The following KHDRBS2 variants were observed in gnomAD, a reference collection of about 807,000 sequenced individuals.
The protein encoded by KHDRBS2 is KH RNA binding domain containing, signal transduction associated 2.
A neutral mutation model predicts 44.3 loss-of-function variants in KHDRBS2; 26 were observed. The ratio of observed to expected loss-of-function variants is 0.59; its 90% confidence interval spans 0.43 to 0.81. The LOEUF (loss-of-function observed/expected upper bound fraction) is 0.81, where lower values mean the gene tolerates loss of function less well. KHDRBS2 is among the 40% of genes least tolerant of loss of function. The pLI is 0.00. For synonymous variants in KHDRBS2, 194 were observed against 151.1 expected (o/e 1.28, Z -2.08); for missense variants, 476 against 433.1 (o/e 1.10, Z -0.88).
At chr6:61,750,330 C>A in intron 6 of KHDRBS2, among the ~76,000 whole-genome samples, 1 of 152,218 alleles carries the variant, frequency 6.6e-6, no homozygotes, top group East Asian at 1.9e-4. Flanking sequence ...TAATTGTGAT[C>A]GTGCTTATAC....
At chr6:61,884,556 A>G (rs1315596602) in intron 6 of KHDRBS2, among the ~76,000 whole-genome samples, 3 of 152,104 alleles carry the variant, frequency 2.0e-5, no homozygotes, top group Non-Finnish European at 4.4e-5. Context: ...CTACACCAAC[A>G]TATGAGTTAC....
At chr6:61,667,669 A>AAT in the KHDRBS2 span, among the ~76,000 whole-genome samples, 2 of 141,594 alleles carry the variant, frequency 1.4e-5, no homozygotes, top group Admixed American at 1.4e-4. Flanking sequence ...CTTATGTGAC[A>AAT]GCTAGCAATA....
rs1390207594 is a variant in KHDRBS2 at position 61,886,557 on chromosome 6, TTA to T, written c.810+8076_810+8077del. On this transcript the variant is annotated intron_variant, in intron 6 of 8. Coordinates refer to ENST00000281156, the MANE Select transcript of KHDRBS2 (RefSeq NM_152688.4). ...TATTATATGCTGTGTTCTACTGTCA[TTA>T]TATATATGTTTATATATGTGTTCGT... is the stretch of plus-strand genomic sequence containing the variant. 5.3e-5 allele frequency among the ~76,000 whole-genome samples: 8 copies of T among 152,130 alleles called. No homozygotes were observed. The East Asian group carries it at 1.3e-3, about 26-fold the overall frequency.
At chr6:62,024,393 C>T (rs1782919966) in intron 3 of KHDRBS2, among the ~76,000 whole-genome samples, 1 of 151,468 alleles carries the variant, frequency 6.6e-6, no homozygotes, top group Non-Finnish European at 1.5e-5. Context: ...ATTCTATTGT[C>T]AGGCATGTGC....
chr6:62,217,314 A>G (rs1442150709), intron 1 of KHDRBS2, among the ~76,000 whole-genome samples: 1 of 151,810 alleles, frequency 6.6e-6, no homozygotes, highest in African/African-American at 2.4e-5. Flanking sequence ...GAAGCCTTTC[A>G]CAACTGGGTT....
intron 6 of KHDRBS2, among the ~76,000 whole-genome samples, chr6:61,834,928 TTA>T (rs141479148): frequency 0.015 from 2,262 of 152,190 alleles, 59 homozygotes; most frequent in African/African-American, 0.052. Context: ...GATAGAAATG[TTA>T]TGTTACTTAA....
intron 6 of KHDRBS2, among the ~76,000 whole-genome samples, chr6:61,854,146 C>CA (rs200145134): frequency 0.092 from 10,186 of 110,128 alleles, 404 homozygotes; most frequent in Middle Eastern, 0.16. Context: ...TTTGAAAAAT[C>CA]GTGTAGAATT....
At chr6:62,107,960 C>T (rs979223847) in intron 2 of KHDRBS2, among the ~76,000 whole-genome samples, 15 of 152,126 alleles carry the variant, frequency 9.9e-5, no homozygotes, top group African/African-American at 3.6e-4. Flanking sequence ...GGATTAAAGA[C>T]TTAAACGTTA....
chr6:62,104,869 A>T (rs1584726680), intron 2 of KHDRBS2, among the ~76,000 whole-genome samples: 1 of 152,262 alleles, frequency 6.6e-6, no homozygotes, highest in East Asian at 1.9e-4. Context: ...CTTAGAGAAG[A>T]TCAATAAAAT....
At chr6:62,164,001 T>C (rs779824069) in intron 2 of KHDRBS2, among the ~76,000 whole-genome samples, 1 of 151,992 alleles carries the variant, frequency 6.6e-6, no homozygotes, top group Non-Finnish European at 1.5e-5. Flanking sequence ...AAGCACCATA[T>C]CTACTCATAA....
intron 3 of KHDRBS2, among the ~76,000 whole-genome samples, chr6:62,015,448 C>T (rs1781043280): frequency 6.6e-6 from 1 of 151,974 alleles, no homozygotes; most frequent in Admixed American, 6.6e-5. Flanking sequence ...ATTTTCACAC[C>T]CTGCCACTCT....
chr6:62,186,460 A>C (rs1367631700), intron 1 of KHDRBS2, among the ~76,000 whole-genome samples: 2 of 152,088 alleles, frequency 1.3e-5, no homozygotes, highest in Non-Finnish European at 1.5e-5. Context: ...TGTATTTCAC[A>C]AGCTTACATC....
chr6:61,665,199 A>T, the KHDRBS2 span, among the ~76,000 whole-genome samples: 1 of 151,602 alleles, frequency 6.6e-6, no homozygotes, highest in Non-Finnish European at 1.5e-5. Context: ...TTCATATGTC[A>T]GAAATTAAAA....
intron 1 of KHDRBS2, among the ~76,000 whole-genome samples, chr6:62,205,793 T>C (rs563195390): frequency 1.7e-4 from 26 of 152,272 alleles, no homozygotes; most frequent in African/African-American, 6.0e-4. Context: ...AGATTGTGTG[T>C]AGGATCATAT....
chr6:61,958,179 C>G (rs1278695618), intron 4 of KHDRBS2, among the ~76,000 whole-genome samples: 4 of 152,128 alleles, frequency 2.6e-5, no homozygotes, highest in Admixed American at 2.6e-4. Context: ...TAACAGAAGA[C>G]ACACAGAACA....
intron 1 of KHDRBS2, among the ~76,000 whole-genome samples, chr6:62,225,653 G>A (rs1831651124): frequency 6.6e-6 from 1 of 152,058 alleles, no homozygotes; most frequent in South Asian, 2.1e-4. Flanking sequence ...AGCCCTGCAT[G>A]CATTAGCTAT....
At chr6:62,157,442 T>C (rs762426824) in intron 2 of KHDRBS2, among the ~76,000 whole-genome samples, 14 of 152,338 alleles carry the variant, frequency 9.2e-5, no homozygotes, top group Admixed American at 2.0e-4. Context: ...AACTGAAATG[T>C]AGAACATCTT....
chr6:62,138,651 T>C (rs1442681555), intron 2 of KHDRBS2, among the ~76,000 whole-genome samples: 1 of 151,916 alleles, frequency 6.6e-6, no homozygotes, highest in Non-Finnish European at 1.5e-5. Flanking sequence ...GTCAAGACCA[T>C]CTAGGAGGTT....
At chr6:61,910,352 C>T (rs1805832500) in intron 4 of KHDRBS2, among the ~76,000 whole-genome samples, 1 of 152,168 alleles carries the variant, frequency 6.6e-6, no homozygotes, top group Non-Finnish European at 1.5e-5. Context: ...TATTAAGCAT[C>T]TGCTTGGTGC....
Sources: gnomAD v4.1 joint callset for allele counts (sites outside exome capture counted in the v4.1 genomes callset) on GRCh38, gnomAD v4.1.1 for gene constraint, MANE v1.5 for transcripts, NCBI Gene and HGNC (gene_info 2026-07-23, HGNC 2026-07-21) for gene names.